Variants in TRDN observed in about 807,000 individuals in gnomAD.
TRDN encodes the protein triadin.
A neutral mutation model predicts 149.7 loss-of-function variants in TRDN; 161 were observed. The observed-to-expected ratio is 1.08, with a 90% CI of 0.95 to 1.23. The LOEUF (loss-of-function observed/expected upper bound fraction) is 1.23, where lower values mean the gene tolerates loss of function less well. Among genes scored for constraint, TRDN ranks in the 50% most tolerant of loss-of-function variants. TRDN has a pLI of 0.00. For synonymous variants in TRDN, 294 were observed against 250.5 expected, an observed-to-expected ratio of 1.17 and a Z score of -1.64; for missense variants, 896 against 823.5, an observed-to-expected ratio of 1.09 and a Z score of -1.08.
intron 35 of TRDN, among the ~76,000 whole-genome samples, 166 bp downstream of exon 35, chr6:123,259,458 T>C (rs1378664475): frequency 2.6e-5 from 4 of 152,080 alleles, no homozygotes; most frequent in African/African-American, 7.2e-5. Context: ...TAACTATATG[T>C]TTTGCATGAT....
chr6:123,534,093 AGAG>A (rs977014926), intron 4 of TRDN, among the ~76,000 whole-genome samples: 1 of 152,130 alleles, frequency 6.6e-6, no homozygotes, highest in Non-Finnish European at 1.5e-5. Flanking sequence ...TTTTGCAAGC[AGAG>A]GTCAACCATT....
chr6:123,583,900 G>A (rs952606352), intron 1 of TRDN: 27 of 257,204 alleles, frequency 1.0e-4, no homozygotes, highest in African/African-American at 5.3e-4. Context: ...AATAGTAGAT[G>A]GAACACTGAG....
At chr6:123,370,967 T>C (rs1301921582) in intron 19 of TRDN, among the ~76,000 whole-genome samples, 2 of 151,692 alleles carry the variant, frequency 1.3e-5, no homozygotes, top group Non-Finnish European at 2.9e-5. Flanking sequence ...ATTAATCTCT[T>C]GCTATTTAAA....
chr6:123,273,167 C>T (rs1777260558), intron 28 of TRDN, among the ~76,000 whole-genome samples, 156 bp from the exon 29 acceptor site: 1 of 151,852 alleles, frequency 6.6e-6, no homozygotes, highest in African/African-American at 2.4e-5. Context: ...TTCATGAAAA[C>T]AATATGCCAA....
chr6:123,265,450 A>T (rs1264611819), intron 32 of TRDN, 112 bp from the exon 33 acceptor site: 3 of 623,314 alleles, frequency 4.8e-6, no homozygotes, highest in African/African-American at 1.9e-5. Flanking sequence ...AAATAAGACT[A>T]AACTTATATC....
intron 1 of TRDN, among the ~76,000 whole-genome samples, chr6:123,578,411 T>C (rs1040872537): frequency 3.3e-5 from 5 of 152,024 alleles, no homozygotes; most frequent in South Asian, 2.1e-4. Flanking sequence ...TGAGTTTACA[T>C]ATAACTTCCC....
chr6:123,289,887 C>T (rs1777940587), intron 24 of TRDN, among the ~76,000 whole-genome samples: 1 of 152,016 alleles, frequency 6.6e-6, no homozygotes, highest in African/African-American at 2.4e-5. Flanking sequence ...GGGCCATTGA[C>T]AATAAGAATG....
intron 19 of TRDN, among the ~76,000 whole-genome samples, chr6:123,368,300 T>C (rs1781193279): frequency 6.6e-6 from 1 of 152,238 alleles, no homozygotes; most frequent in South Asian, 2.1e-4. Context: ...CTCTTCATTG[T>C]TGTCATCAAC....
intron 6 of TRDN, among the ~76,000 whole-genome samples, chr6:123,515,162 A>C (rs1047867383): frequency 6.6e-6 from 1 of 152,046 alleles, no homozygotes; most frequent in Admixed American, 6.6e-5. Context: ...ACAGGCCTCC[A>C]AAAAAGGGAA....
At chr6:123,337,706 A>C in intron 21 of TRDN, 37 bp from the exon 22 acceptor site, 1 of 1,289,048 alleles carries the variant, frequency 7.8e-7, no homozygotes, top group Non-Finnish European at 1.1e-6. Flanking sequence ...AGTTACAAGG[A>C]ATAAGAGAGG....
chr6:123,456,801 T>C (rs771050335), intron 10 of TRDN: 42 of 456,036 alleles, frequency 9.2e-5, no homozygotes, highest in South Asian at 6.5e-4. Context: ...ACTCCATCTA[T>C]GTAAAATACA....
Position 123,508,031 on chromosome 6 carries a change from A to G in TRDN, c.611-4130T>C, listed in dbSNP as rs140475047. Among the ~76,000 whole-genome samples, 661 of 151,778 alleles carry G rather than the reference A, an allele frequency of 4.4e-3. 4 individuals carry two copies. The highest frequency in any genetic ancestry group is 7.8e-3 in the Admixed American group (119 of 15,234). ...CGCCACTGTAACTGCCTCTTCCTCT[A>G]TGGAAGCTGTGGAGATGAGTAACAC... is the stretch of plus-strand genomic sequence containing the variant. On this transcript the variant is annotated intron_variant, in intron 7 of 40. Transcript: ENST00000334268.
chr6:123,634,450 A>G (rs1298001786), intron 1 of TRDN, among the ~76,000 whole-genome samples: 1 of 151,962 alleles, frequency 6.6e-6, no homozygotes, highest in East Asian at 1.9e-4. Context: ...TAAAAAAAAT[A>G]AAATAAATAA....
chr6:123,293,187 C>A (rs561770619), intron 24 of TRDN, among the ~76,000 whole-genome samples: 56 of 152,222 alleles, frequency 3.7e-4, no homozygotes, highest in Admixed American at 2.8e-3. Context: ...GTCTCACTTC[C>A]CACATCTTAC....
intron 19 of TRDN, among the ~76,000 whole-genome samples, chr6:123,369,853 G>A (rs1246715070): frequency 2.0e-5 from 3 of 151,910 alleles, no homozygotes; most frequent in African/African-American, 4.8e-5. Context: ...GTATTGCTTC[G>A]ATCTGCTCCC....
chr6:123,237,168 G>A (rs992059541), intron 38 of TRDN, among the ~76,000 whole-genome samples: 1 of 60,686 alleles, frequency 1.6e-5, no homozygotes, highest in African/African-American at 1.1e-4. Context: ...TAGGTAACAC[G>A]AACTAATTTT....
chr6:123,406,409 G>T (rs768830093), intron 12 of TRDN, among the ~76,000 whole-genome samples: 1 of 152,050 alleles, frequency 6.6e-6, no homozygotes, highest in African/African-American at 2.4e-5. Context: ...ACTAGGCCTG[G>T]ACTAAACTGC....
intron 2 of TRDN, among the ~76,000 whole-genome samples, chr6:123,560,254 C>T (rs1266231397): frequency 6.6e-6 from 1 of 152,136 alleles, no homozygotes; most frequent in African/African-American, 2.4e-5. Context: ...TTTCTGCCCC[C>T]TCCACTACCT....
At chr6:123,563,989 G>T (rs1439612564) in intron 2 of TRDN, among the ~76,000 whole-genome samples, 1 of 152,104 alleles carries the variant, frequency 6.6e-6, no homozygotes, top group Non-Finnish European at 1.5e-5. Context: ...TTTCAAAAGA[G>T]AATTTTAAGA....
Sources: allele counts gnomAD v4.1 joint callset (sites outside exome capture counted in the v4.1 genomes callset), GRCh38; gene constraint gnomAD v4.1.1; transcripts MANE v1.5; gene names NCBI Gene and HGNC (gene_info 2026-07-23, HGNC 2026-07-21).